The following LHX1 variants were observed in gnomAD, a reference collection of about 807,000 sequenced individuals.
LHX1 encodes the protein LIM homeobox 1.
LHX1 carries 9 observed loss-of-function variants against 34.1 expected under a neutral mutation model. The ratio of observed to expected loss-of-function variants is 0.26; its 90% CI spans 0.16 to 0.46. The LOEUF (loss-of-function observed/expected upper bound fraction) is 0.46, where lower values mean the gene tolerates loss of function less well. Among genes scored for constraint, LHX1 ranks in the 20% least tolerant of loss-of-function variants. The probability of loss-of-function intolerance (pLI) is 1.00; values close to 1 mark genes in which losing one functional copy is unlikely to be tolerated. For synonymous variants in LHX1, 254 were observed against 241.5 expected, an observed-to-expected ratio of 1.05 and a Z score of -0.48; for missense variants, 446 against 559.1, an observed-to-expected ratio of 0.80 and a Z score of 2.04.
At chr17:36,940,016 T>C in intron 1 of LHX1, 1 of 583,964 alleles carries the variant, frequency 1.7e-6, no homozygotes, top group Admixed American at 3.0e-5. Flanking sequence ...GCTTGGCGGG[T>C]AGCTTGGGCC....
chr17:36,938,480 G>A (rs1323680910), intron 1 of LHX1, 113 bp downstream of exon 1: 29 of 1,145,898 alleles, frequency 2.5e-5, no homozygotes, highest in Non-Finnish European at 3.2e-5. Context: ...TGCTTCTAGA[G>A]AGGGCAGCCA....
intron 4 of LHX1, 65 bp from the exon 5 acceptor site, chr17:36,942,686 TC>T: frequency 7.1e-7 from 1 of 1,416,698 alleles, no homozygotes; most frequent in Non-Finnish European, 9.3e-7. Context: ...GCGTCTTCCC[TC>T]CCTTTCGGTC....
rs2070786770 is a variant in LHX1 at position 36,944,020 on chromosome 17, AT to A, written c.*890del. 6.6e-6 allele frequency: 1 copy of A among 152,098 alleles called. No homozygotes were observed. The highest frequency in any genetic ancestry group is 1.5e-5 in the Non-Finnish European group (1 of 68,020). 9.4% of individuals were successfully genotyped at this position (152,098 alleles called of 1,614,324 possible). A position where few individuals can be genotyped will look rare whatever the true frequency, so the allele number is the denominator to read the frequency against. ...CAGGAGTTCAGTGTTTTACTAATAT[AT>A]CCTGTTTTGAAACCTCTTGTTCGAA... On this transcript the variant is annotated 3_prime_UTR_variant, in exon 5 of 5. Coordinates refer to ENST00000614239, the MANE Select transcript of LHX1 (RefSeq NM_005568.5).
Position 36,941,803 on chromosome 17 carries a change from G to T in LHX1, c.676-397G>T, listed in dbSNP as rs990000039. On this transcript the variant is annotated intron_variant, in intron 3 of 4. Transcript: ENST00000614239. ...TGTTTCTGTGTCTCTGTCATGGTTG[G>T]GGGGAGGGTTGCTGCAAGAGACCGT... is the stretch of plus-strand genomic sequence containing the variant. Among the ~76,000 whole-genome samples the T allele has an allele frequency of 3.9e-5, 6 of 152,332 alleles. 1 individual carries two copies. The highest frequency in any genetic ancestry group is 3.3e-4 in the Admixed American group (5 of 15,308).
rs2070769843 is a variant in LHX1, at chr17:36,942,254, C to T, written c.730C>T (p.Leu244=). The change falls in exon 4 of 5, where the codon CTG becomes TTG. Residue 244 remains leucine, a synonymous_variant. Coordinates refer to ENST00000614239, the MANE Select transcript of LHX1 (RefSeq NM_005568.5). ...GCGGAGGATGAAGCAGCTGAGCGCC[C>T]TGGGCGCCCGGCGCCACGCCTTCTT... ...KERRMKQLSA[L]GARRHAFFRS... is the part of the protein sequence containing the mutation. The T allele has an allele frequency of 6.2e-7, 1 of 1,601,102 alleles. No homozygotes were observed. Among genetic ancestry groups the T allele is most frequent in the Non-Finnish European group, 8.5e-7 (1 of 1,175,854 alleles).
At chr17:36,938,889 CG>C (rs1332624679) in intron 1 of LHX1, 1 of 251,470 alleles carries the variant, frequency 4.0e-6, no homozygotes, top group Non-Finnish European at 7.9e-6. Context: ...GCCTTAAAGC[CG>C]ATCCTGCACG....
chr17:36,939,907 A>G (rs1332464799), intron 1 of LHX1: 3 of 387,462 alleles, frequency 7.7e-6, no homozygotes, highest in African/African-American at 2.0e-5. Flanking sequence ...TAATCGGAAA[A>G]TAAGTGCCCC....
intron 1 of LHX1, 21 bp downstream of exon 1, chr17:36,938,388 C>G (rs1212216519): frequency 6.2e-7 from 1 of 1,612,478 alleles, no homozygotes; most frequent in Non-Finnish European, 8.5e-7. Flanking sequence ...TCCTCCCACG[C>G]CTCTGCTGCT....
chr17:36,940,933 C>T, intron 3 of LHX1, 46 bp downstream of exon 3: 1 of 1,545,104 alleles, frequency 6.5e-7, no homozygotes, highest in Non-Finnish European at 8.7e-7. Flanking sequence ...CCCACACTGC[C>T]ACTTTGGGCA....
Position 36,940,626 on chromosome 17 carries a change from C to A in LHX1, c.414C>A (p.Asp138Glu). ...NSLHSATTGS[D>E]PSLSPDSQDP... ...CCCTCTTAGCCACCACGGGCAGTGACCCCAGTTTGTCTCCGGATTCCCAAG... is the reference window on the plus strand; with the variant it reads ...CCCTCTTAGCCACCACGGGCAGTGAACCCAGTTTGTCTCCGGATTCCCAAG... Residue 138 changes from aspartate (D) to glutamate (E), a missense_variant, in exon 3 of 5, where the codon GAC becomes GAA. Asp to Glu is a conservative substitution (Grantham distance 45). Coordinates refer to ENST00000614239, the MANE Select transcript of LHX1 (RefSeq NM_005568.5). The A allele has an allele frequency of 3.1e-6, 5 of 1,613,844 alleles. No homozygotes were observed. The highest frequency in any genetic ancestry group is 4.2e-6 in the Non-Finnish European group (5 of 1,180,036).
At chr17:36,941,127 G>C in intron 3 of LHX1, 1 of 735,706 alleles carries the variant, frequency 1.4e-6, no homozygotes, top group Non-Finnish European at 2.4e-6. Context: ...AGGGACGGGA[G>C]TTCAGCCAGA....
chr17:36,943,312 C>T lies in LHX1; in HGVS notation c.*181C>T. ...GACACGAAATAGGATCCAAATCGGC[C>T]TCGAGGTGGGACTGGGATCCGCGCA... On this transcript the variant is annotated 3_prime_UTR_variant, in exon 5 of 5. Coordinates refer to ENST00000614239, the MANE Select transcript of LHX1 (RefSeq NM_005568.5). The T allele has an allele frequency of 1.3e-6, 1 of 742,210 alleles. No homozygotes were observed. The highest frequency in any genetic ancestry group is 2.1e-6 in the Non-Finnish European group (1 of 481,288). The allele number at this position is 742,210 out of a possible 1,614,324, so 46.0% of individuals were successfully genotyped here.
chr17:36,938,483 G>A, intron 1 of LHX1, 116 bp downstream of exon 1: 2 of 1,104,430 alleles, frequency 1.8e-6, no homozygotes, highest in Non-Finnish European at 2.7e-6. Flanking sequence ...TTCTAGAGAG[G>A]GCAGCCAAGT....
chr17:36,942,972 G>A lies in LHX1; in HGVS notation c.1062G>A (p.Ser354=). 6.2e-7 allele frequency: 1 copy of A among 1,610,698 alleles called. No homozygotes were observed. The part of the protein sequence containing the change: ...TDILAHPPGD[S]PSPEPSLPGP... Reference sequence around the variant, plus strand: ...TCCTGGCGCACCCACCCGGGGACTCGCCCAGCCCCGAGCCCAGCCTGCCCG... The same window carrying A: ...TCCTGGCGCACCCACCCGGGGACTCACCCAGCCCCGAGCCCAGCCTGCCCG... The change falls in exon 5 of 5, where the codon TCG becomes TCA. Residue 354 remains serine, a synonymous_variant. Transcript: ENST00000614239.
rs199559106 is a variant in LHX1, at chr17:36,942,875, C to T, written c.965C>T (p.Thr322Met). Residue 322 changes from threonine to methionine, a missense_variant, in exon 5 of 5, where the codon ACG (threonine) becomes ATG (methionine). Thr to Met is a moderately conservative substitution (Grantham distance 81). Coordinates refer to ENST00000614239, the MANE Select transcript of LHX1 (RefSeq NM_005568.5). Reference sequence around the variant, plus strand: ...GTGCCGTCATCTGGGCCGTCCGGGACGCCCCTGGGTGGCCTGGAGCACCCG... The same window carrying T: ...GTGCCGTCATCTGGGCCGTCCGGGATGCCCCTGGGTGGCCTGGAGCACCCG... ...PFVPSSGPSG[T>M]PLGGLEHPLP... The T allele has an allele frequency of 4.4e-6, 7 of 1,592,386 alleles. No individual in the cohort carries two copies. Among genetic ancestry groups the T allele is most frequent in the African/African-American group, 2.7e-5 (2 of 74,630 alleles).
In LHX1 at chr17:36,942,747, C is replaced by T; in HGVS notation, c.842-5C>T. 6.6e-7 allele frequency: 1 copy of T among 1,508,224 alleles called. No individual in the cohort carries two copies. Among genetic ancestry groups the T allele is most frequent in the Non-Finnish European group, 8.9e-7 (1 of 1,128,764 alleles). The allele number at this position is 1,508,224 out of a possible 1,614,324, so 93.4% of individuals were successfully genotyped here. ...ACGTCCTGCGCCCTCCCCGCCGCTC[C>T]GCAGATTACCAGAGCGAGTACTACG... is the stretch of plus-strand genomic sequence containing the variant. On this transcript the variant is annotated splice_region_variant and splice_polypyrimidine_tract_variant and intron_variant, in intron 4 of 4. Transcript: ENST00000614239.
At position 36,940,782 on chromosome 17, in the gene LHX1, G is replaced by A. The variant is rs958964726; in HGVS notation, c.570G>A (p.Lys190=). ...RRGPRTTIKA[K]QLETLKAAFA... is the part of the protein sequence containing the mutation. ...GACCGCGCACCACCATCAAAGCCAA[G>A]CAGCTGGAGACGCTGAAGGCCGCCT... Residue 190 remains lysine (K), a synonymous_variant, in exon 3 of 5, where the codon AAG becomes AAA. Transcript: ENST00000614239. The A allele has an allele frequency of 2.5e-6, 4 of 1,613,284 alleles. No homozygotes were observed. The highest frequency in any genetic ancestry group is 2.7e-5 in the African/African-American group (2 of 74,948).
rs150608271 is a variant in LHX1, at chr17:36,944,108, C to G, written c.*977C>G. 7.4e-4 allele frequency: 112 copies of G among 152,194 alleles called. No homozygotes were observed. Among genetic ancestry groups the G allele is most frequent in the African/African-American group, 2.3e-3 (95 of 41,538 alleles). The allele number at this position is 152,194 out of a possible 1,614,324, so 9.4% of individuals were successfully genotyped here. A position where few individuals can be genotyped will look rare whatever the true frequency, so the allele number is the denominator to read the frequency against. On this transcript the variant is annotated 3_prime_UTR_variant, in exon 5 of 5. Coordinates refer to ENST00000614239, the MANE Select transcript of LHX1 (RefSeq NM_005568.5). The stretch of plus-strand genomic sequence containing the variant: ...TTTTCTTTTCCTGTAGATGTTCTGA[C>G]AGATTTGCAGGGCTTTCGGCTCACT...
At position 36,940,693 on chromosome 17, in the gene LHX1, G is replaced by T; in HGVS notation, c.481G>T (p.Val161Leu). 6.2e-7 allele frequency: 1 copy of T among 1,613,816 alleles called. No homozygotes were observed. The highest frequency in any genetic ancestry group is 8.5e-7 in the Non-Finnish European group (1 of 1,180,034). Reference sequence around the variant, plus strand: ...CGCCAAGGACTCGGAGAGCGCCAACGTGTCGGACAAGGAAGCGGGTAGCAA... The same window carrying T: ...CGCCAAGGACTCGGAGAGCGCCAACTTGTCGGACAAGGAAGCGGGTAGCAA... Reference protein sequence around the residue: ...DDAKDSESANVSDKEAGSNEN... With the variant: ...DDAKDSESANLSDKEAGSNEN... Residue 161 changes from valine to leucine, a missense_variant, in exon 3 of 5, where the codon GTG becomes TTG. By Grantham distance (32) the Val-to-Leu change is conservative (BLOSUM62 1). Around this residue, in one of 3 missense-constraint regions of LHX1, gnomAD observed 168 missense variants for 226.6 expected, o/e 0.74. Transcript: ENST00000614239.
Sources: allele counts gnomAD v4.1 joint callset (sites outside exome capture counted in the v4.1 genomes callset), GRCh38; gene constraint gnomAD v4.1.1; regional missense constraint gnomAD v4.1.1; transcripts MANE v1.5; gene names NCBI Gene and HGNC (gene_info 2026-07-23, HGNC 2026-07-21).